ULK4: variants seen among roughly 807,000 people sequenced by gnomAD.
ULK4 encodes the protein unc-51 like kinase 4, also known as inactive serine/threonine-protein kinase ULK4.
Under a neutral mutation model 160.6 loss-of-function variants are expected in ULK4, and 133 were observed. The observed-to-expected ratio is 0.83, with a 90% confidence interval of 0.72 to 0.96. The LOEUF (loss-of-function observed/expected upper bound fraction) is 0.96. ULK4 is among the 40% of genes least tolerant of loss of function. The probability of loss-of-function intolerance (pLI) is 0.00; values close to 1 mark genes in which losing one functional copy is unlikely to be tolerated. For synonymous variants in ULK4, 534 were observed against 539.8 expected (o/e 0.99, Z 0.15); for missense variants, 1,580 against 1,499.5 (o/e 1.05, Z -0.89).
In ULK4 at chr3:41,449,414, G is replaced by C. The variant is rs532200517; in HGVS notation, c.3492+6083C>G. On this transcript the variant is annotated intron_variant, in intron 34 of 36. Transcript: ENST00000301831. ...ATGGCGTATCCAGTGGAAATGTCCA[G>C]AAGGCAGATGGGCGGTGGCTACTCA... Among the ~76,000 whole-genome samples, 8 of 152,272 alleles carry C rather than the reference G, an allele frequency of 5.3e-5. No homozygotes were observed. In the South Asian group the frequency reaches 1.7e-3, roughly 32 times the overall value.
intron 32 of ULK4, among the ~76,000 whole-genome samples, chr3:41,484,711 C>A (rs1354640452): frequency 2.0e-5 from 3 of 152,110 alleles, no homozygotes; most frequent in Non-Finnish European, 4.4e-5. Flanking sequence ...CTTGGCCTCC[C>A]AAAGTGCTGG....
intron 12 of ULK4, among the ~76,000 whole-genome samples, chr3:41,904,881 C>T (rs1345266255): frequency 2.6e-5 from 4 of 152,130 alleles, no homozygotes; most frequent in African/African-American, 7.2e-5. Context: ...ATCCTGTGTT[C>T]GTGGAGGAAC....
intron 35 of ULK4, among the ~76,000 whole-genome samples, chr3:41,300,883 A>G (rs1343410069): frequency 1.7e-5 from 2 of 114,388 alleles, no homozygotes; most frequent in Middle Eastern, 5.2e-3. Context: ...ATATATATAT[A>G]TATTTGGTAT....
chr3:41,300,674 T>A lies in ULK4; in HGVS notation c.3679-51100A>T, dbSNP rs1354961531. 2.0e-5 allele frequency among the ~76,000 whole-genome samples: 3 copies of A among 151,610 alleles called. No homozygotes were observed. The East Asian group carries it at 5.9e-4, about 30-fold the overall frequency. Reference sequence around the variant, plus strand: ...CCCTTCTACAGCACCCCCAGATGGTTGTACAAAAGCATCACACAGATCCCA... The same window carrying A: ...CCCTTCTACAGCACCCCCAGATGGTAGTACAAAAGCATCACACAGATCCCA... On this transcript the variant is annotated intron_variant, in intron 35 of 36. Transcript: ENST00000301831.
At chr3:41,523,955 T>C (rs149749582) in intron 32 of ULK4, among the ~76,000 whole-genome samples, 1 of 152,288 alleles carries the variant, frequency 6.6e-6, no homozygotes, top group African/African-American at 2.4e-5. Context: ...TCAAATGAAA[T>C]GAAGTACCAA....
chr3:41,793,643 T>C (rs756332169), intron 20 of ULK4, among the ~76,000 whole-genome samples: 13 of 152,190 alleles, frequency 8.5e-5, no homozygotes, highest in Non-Finnish European at 1.5e-4. Context: ...TCTTCACTTT[T>C]TGACACCTTT....
At chr3:41,384,992 C>G (rs1289849453) in intron 35 of ULK4, among the ~76,000 whole-genome samples, 10 of 152,058 alleles carry the variant, frequency 6.6e-5, no homozygotes, top group Non-Finnish European at 1.3e-4. Context: ...GAGGTCAAGG[C>G]TGCAGTCCCC....
chr3:41,291,356 GAAAGAA>G (rs1452154236), intron 35 of ULK4, among the ~76,000 whole-genome samples: 2 of 145,092 alleles, frequency 1.4e-5, no homozygotes, highest in Non-Finnish European at 3.0e-5. Flanking sequence ...AGGAGAAAGA[GAAAGAA>G]AAAGTAAAGA....
intron 31 of ULK4, among the ~76,000 whole-genome samples, chr3:41,609,232 ATTT>A (rs1183425123): frequency 6.6e-6 from 1 of 152,104 alleles, no homozygotes; most frequent in African/African-American, 2.4e-5. Flanking sequence ...GTTATGCTTT[ATTT>A]AACCCACATT....
chr3:41,346,301 G>A (rs1449591604), intron 35 of ULK4, among the ~76,000 whole-genome samples: 27 of 152,144 alleles, frequency 1.8e-4, no homozygotes, highest in Admixed American at 1.7e-3. Context: ...CACCACTCAT[G>A]CTGGGCCACA....
intron 20 of ULK4, among the ~76,000 whole-genome samples, chr3:41,796,405 A>G (rs978808202): frequency 1.3e-5 from 2 of 152,150 alleles, no homozygotes; most frequent in Non-Finnish European, 2.9e-5. Context: ...CCTGGCCAAC[A>G]TGATGAAACA....
chr3:41,514,659 G>A (rs907786689), intron 32 of ULK4, among the ~76,000 whole-genome samples: 2 of 152,150 alleles, frequency 1.3e-5, no homozygotes, highest in South Asian at 4.1e-4. Context: ...CCATTATCCT[G>A]AGTGAAACAA....
In ULK4 at chr3:41,312,644, A is replaced by AAAAC. The variant is rs142861881; in HGVS notation, c.3679-63074_3679-63071dup. On this transcript the variant is annotated intron_variant, in intron 35 of 36. Coordinates refer to ENST00000301831, the MANE Select transcript of ULK4 (RefSeq NM_017886.4). ...ACCTCATCTCTACAGAAAAAAAACA[A>AAAAC]AAACAAACAAACAAACAAACAAAAA... Among the ~76,000 whole-genome samples, 240 of 151,760 alleles carry AAAAC rather than the reference A, an allele frequency of 1.6e-3. 1 individual carries two copies. Among genetic ancestry groups the AAAAC allele is most frequent in the Non-Finnish European group, 1.7e-3 (115 of 67,950 alleles).
At chr3:41,652,933 A>C (rs756583837) in intron 30 of ULK4, among the ~76,000 whole-genome samples, 1 of 152,212 alleles carries the variant, frequency 6.6e-6, no homozygotes, top group Non-Finnish European at 1.5e-5. Context: ...TAGGACACAC[A>C]AATTACTGCT....
At chr3:41,508,993 A>G (rs2085485554) in intron 32 of ULK4, among the ~76,000 whole-genome samples, 1 of 152,192 alleles carries the variant, frequency 6.6e-6, no homozygotes, top group African/African-American at 2.4e-5. Context: ...TGCCAGAAAA[A>G]GAACTCAGAA....
At chr3:41,670,546 T>C (rs1018084584) in intron 29 of ULK4, among the ~76,000 whole-genome samples, 9 of 152,050 alleles carry the variant, frequency 5.9e-5, no homozygotes, top group African/African-American at 1.9e-4. Flanking sequence ...GGAAAACCTA[T>C]ATATACACTC....
intron 32 of ULK4, among the ~76,000 whole-genome samples, chr3:41,565,114 G>A (rs540204374): frequency 2.2e-4 from 33 of 152,200 alleles, no homozygotes; most frequent in African/African-American, 8.0e-4. Context: ...CAGCCTAGGT[G>A]TATAGTAGGC....
chr3:41,533,077 G>T (rs192786996), intron 32 of ULK4, among the ~76,000 whole-genome samples: 21 of 152,292 alleles, frequency 1.4e-4, no homozygotes, highest in African/African-American at 4.6e-4. Context: ...GCCTCCTTGA[G>T]TATAAGAGAT....
chr3:41,887,055 C>T (rs1256715238), intron 16 of ULK4, among the ~76,000 whole-genome samples: 1 of 152,180 alleles, frequency 6.6e-6, no homozygotes, highest in South Asian at 2.1e-4. Context: ...ATGAATCTAT[C>T]GAACTCTACA....
Sources: allele counts gnomAD v4.1 joint callset (sites outside exome capture counted in the v4.1 genomes callset), GRCh38; gene constraint gnomAD v4.1.1; transcripts MANE v1.5; gene names NCBI Gene and HGNC (gene_info 2026-07-23, HGNC 2026-07-21).